The following GAS7 variants were observed in gnomAD, a reference collection of about 807,000 sequenced individuals.
The protein encoded by GAS7 is growth arrest-specific protein 7.
A neutral mutation model predicts 71.1 loss-of-function variants in GAS7; 28 were observed. The ratio of observed to expected loss-of-function variants is 0.39; its 90% CI spans 0.29 to 0.54. The LOEUF (loss-of-function observed/expected upper bound fraction) is 0.54, where lower values mean the gene tolerates loss of function less well. Among genes scored for constraint, GAS7 ranks in the 20% least tolerant of loss-of-function variants. The pLI, the probability that GAS7 is intolerant of heterozygous loss-of-function variation, is 0.62. For missense variants in GAS7, 436 were observed against 627.8 expected (o/e 0.69, Z 3.27); for synonymous variants, 258 against 245.8 (o/e 1.05, Z -0.46).
At chr17:10,148,563 A>AGCCAAGATTGCACCACTGCACTCC (rs1238752216) in intron 1 of GAS7, among the ~76,000 whole-genome samples, 3 of 149,640 alleles carry the variant, frequency 2.0e-5, no homozygotes, top group African/African-American at 7.4e-5. Flanking sequence ...GGTTGCAGTG[A>AGCCAAGATTGCACCACTGCACTCC]GCCAAGATTG....
chr17:10,146,432 C>G (rs2074121438), intron 1 of GAS7, among the ~76,000 whole-genome samples: 1 of 152,136 alleles, frequency 6.6e-6, no homozygotes, highest in Admixed American at 6.5e-5. Context: ...CCGCAAGAGT[C>G]AGGGAGTGAA....
At chr17:9,954,836 G>A (rs1338671407) in intron 5 of GAS7, among the ~76,000 whole-genome samples, 1 of 152,062 alleles carries the variant, frequency 6.6e-6, no homozygotes, top group Non-Finnish European at 1.5e-5. Flanking sequence ...TGGGTGGAGA[G>A]GAAGCATGTT....
At chr17:10,137,675 G>T (rs1479316385) in intron 1 of GAS7, among the ~76,000 whole-genome samples, 3 of 151,966 alleles carry the variant, frequency 2.0e-5, no homozygotes, top group African/African-American at 7.3e-5. Flanking sequence ...AAGTAGCTGG[G>T]ATTACAGGTG....
intron 1 of GAS7, among the ~76,000 whole-genome samples, chr17:10,136,982 C>T (rs907701457): frequency 5.3e-5 from 8 of 152,074 alleles, no homozygotes; most frequent in Non-Finnish European, 1.0e-4. Flanking sequence ...GACATGGTGG[C>T]GCACACCTGT....
At chr17:9,979,981 T>C (rs1449824541) in intron 3 of GAS7, among the ~76,000 whole-genome samples, 1 of 152,092 alleles carries the variant, frequency 6.6e-6, no homozygotes, top group Non-Finnish European at 1.5e-5. Context: ...TGGTCTGAGA[T>C]GGCAGCACTC....
At chr17:10,047,076 T>A (rs2072986272) in intron 1 of GAS7, among the ~76,000 whole-genome samples, 2 of 152,100 alleles carry the variant, frequency 1.3e-5, no homozygotes, top group African/African-American at 4.8e-5. Context: ...TCAGCACAGA[T>A]GCTGTCTGAG....
chr17:10,183,798 C>A (rs1156547404), intron 1 of GAS7, among the ~76,000 whole-genome samples: 1 of 151,722 alleles, frequency 6.6e-6, no homozygotes, highest in Admixed American at 6.6e-5. Flanking sequence ...GCTGAGATAG[C>A]GCCACTGCAC....
intron 1 of GAS7, among the ~76,000 whole-genome samples, chr17:10,098,631 C>A (rs1339784910): frequency 6.6e-6 from 1 of 152,186 alleles, no homozygotes; most frequent in East Asian, 1.9e-4. Context: ...GGGAAGTGGG[C>A]ATATCCCTAG....
chr17:10,069,895 T>A (rs752568017), intron 1 of GAS7, among the ~76,000 whole-genome samples: 32 of 152,178 alleles, frequency 2.1e-4, no homozygotes, highest in Non-Finnish European at 3.5e-4. Context: ...CCAAGCAATG[T>A]TATTCAATCT....
intron 1 of GAS7, chr17:10,020,104 G>A (rs1360070300): frequency 3.6e-6 from 2 of 550,586 alleles, no homozygotes; most frequent in African/African-American, 1.9e-5. Context: ...AGCATTCAGA[G>A]CCCCTGCACA....
At chr17:10,010,674 A>G (rs2071735164) in intron 2 of GAS7, among the ~76,000 whole-genome samples, 1 of 152,146 alleles carries the variant, frequency 6.6e-6, no homozygotes, top group Admixed American at 6.5e-5. Context: ...CGCCTCACCT[A>G]CCTTAGACGT....
At chr17:10,089,722 G>A (rs1432708470) in intron 1 of GAS7, among the ~76,000 whole-genome samples, 1 of 152,212 alleles carries the variant, frequency 6.6e-6, no homozygotes, top group African/African-American at 2.4e-5. Context: ...AGGTAAGGAG[G>A]AGAGGCAGTG....
At chr17:10,025,008 T>C (rs979933863) in intron 1 of GAS7, among the ~76,000 whole-genome samples, 9 of 152,184 alleles carry the variant, frequency 5.9e-5, no homozygotes, top group Non-Finnish European at 1.3e-4. Flanking sequence ...GCCTGCCTCA[T>C]AGATGGCATT....
chr17:10,105,059 A>G (rs1037264343), intron 1 of GAS7, among the ~76,000 whole-genome samples: 1 of 152,198 alleles, frequency 6.6e-6, no homozygotes, highest in African/African-American at 2.4e-5. Context: ...CTTCCCCTCC[A>G]GCCACCCTGA....
intron 2 of GAS7, among the ~76,000 whole-genome samples, chr17:10,009,448 C>A (rs1257245184): frequency 6.6e-6 from 1 of 151,538 alleles, no homozygotes; most frequent in Non-Finnish European, 1.5e-5. Flanking sequence ...AAGAAAATTA[C>A]TATTTGGCAA....
chr17:10,061,196 G>T (rs1026672450), intron 1 of GAS7: 7 of 152,256 alleles, frequency 4.6e-5, no homozygotes, highest in Admixed American at 1.3e-4. Flanking sequence ...CTGAACCCTG[G>T]AAGAACACAA....
At chr17:9,991,501 GCCAGAA>G (rs1384532481) in intron 2 of GAS7, among the ~76,000 whole-genome samples, 10 of 152,158 alleles carry the variant, frequency 6.6e-5, no homozygotes, top group African/African-American at 1.9e-4. Flanking sequence ...TTTGATATTT[GCCAGAA>G]CCAAGCTCTG....
At chr17:10,125,620 G>T (rs1311553282) in intron 1 of GAS7, among the ~76,000 whole-genome samples, 2 of 151,760 alleles carry the variant, frequency 1.3e-5, no homozygotes, top group African/African-American at 4.8e-5. Flanking sequence ...TTCCCAGTTG[G>T]ATGAAAGAGG....
chr17:10,031,338 T>C lies in GAS7; in HGVS notation c.184-11441A>G, dbSNP rs191377913. Among the ~76,000 whole-genome samples, 42 of 152,296 alleles carry C rather than the reference T, an allele frequency of 2.8e-4. No homozygotes were observed. The East Asian group carries it at 8.1e-3, about 29-fold the overall frequency. Reference sequence around the variant, plus strand: ...AACCAGGAATTTTGATGAACATAATTACAACGCAGTCCCTGCAGCAAGGAT... The same window carrying C: ...AACCAGGAATTTTGATGAACATAATCACAACGCAGTCCCTGCAGCAAGGAT... On this transcript the variant is annotated intron_variant, in intron 1 of 13. Transcript: ENST00000432992.
Sources: allele counts gnomAD v4.1 joint callset (sites outside exome capture counted in the v4.1 genomes callset), GRCh38; gene constraint gnomAD v4.1.1; transcripts MANE v1.5; gene names NCBI Gene and HGNC (gene_info 2026-07-23, HGNC 2026-07-21).